The following ZBTB43 variants were observed in gnomAD, a reference collection of about 807,000 sequenced individuals.
ZBTB43 encodes the protein zinc finger and BTB domain-containing protein 43.
ZBTB43 carries 6 observed loss-of-function variants against 31.1 expected under a neutral mutation model. The ratio of observed to expected loss-of-function variants is 0.19; its 90% CI spans 0.11 to 0.38. The LOEUF (loss-of-function observed/expected upper bound fraction) is 0.38. Among genes scored for constraint, ZBTB43 ranks in the 10% least tolerant of loss-of-function variants. ZBTB43 has a pLI of 1.00. For synonymous variants in ZBTB43, 212 were observed against 221.7 expected (o/e 0.96, Z 0.39); for missense variants, 379 against 602.1 (o/e 0.63, Z 3.88).
chr9:126,823,702 T>A (rs190924893), intron 2 of ZBTB43, among the ~76,000 whole-genome samples: 3 of 152,370 alleles, frequency 2.0e-5, no homozygotes, highest in Admixed American at 6.5e-5. Context: ...TTTTATTATT[T>A]AGGGGTTTTG....
chr9:126,832,564 A>G lies in ZBTB43; in HGVS notation c.55A>G (p.Ile19Val), dbSNP rs777753960. ...RVEFPDFSST[I>V]LQKLNQQRQQ... The stretch of plus-strand genomic sequence containing the variant: ...AGAATTTCCTGATTTTTCCAGCACC[A>G]TTCTACAGAAACTGAACCAGCAGCG... The change falls in exon 3 of 3, where the codon ATT becomes GTT. Residue 19 changes from isoleucine (I) to valine (V), a missense_variant. Ile to Val is a conservative substitution (Grantham distance 29). This residue lies in a region of ZBTB43 where 79 missense variants were observed against 134.4 expected (regional missense o/e 0.59). Coordinates refer to ENST00000373464, the MANE Select transcript of ZBTB43 (RefSeq NM_014007.4). 21 of 1,613,746 alleles carry G rather than the reference A, an allele frequency of 1.3e-5. No individual in the cohort carries two copies. The highest frequency in any genetic ancestry group is 3.3e-5 in the Admixed American group (2 of 60,008).
rs572767410 is a variant in ZBTB43 at position 126,814,636 on chromosome 9, AC to A, written c.-24+5722del. Among the ~76,000 whole-genome samples the A allele has an allele frequency of 1.0e-3, 154 of 152,146 alleles. 2 individuals carry two copies. The highest frequency in any genetic ancestry group is 3.6e-3 in the African/African-American group (151 of 41,500). On this transcript the variant is annotated intron_variant, in intron 2 of 2. Coordinates refer to ENST00000373464, the MANE Select transcript of ZBTB43 (RefSeq NM_014007.4). ...GTGAAACACTGTCTCTACTAAAAAT[AC>A]AAAAAATTAGCCGGGCATGGTGGTG...
At chr9:126,831,995 T>G (rs1201428297) in intron 2 of ZBTB43, 1 of 150,092 alleles carries the variant, frequency 6.7e-6, no homozygotes, top group African/African-American at 2.5e-5. Flanking sequence ...CATGGTGGCA[T>G]GTACATACAG....
At chr9:126,810,003 T>G (rs1301936328) in intron 2 of ZBTB43, among the ~76,000 whole-genome samples, 4 of 151,656 alleles carry the variant, frequency 2.6e-5, no homozygotes, top group Admixed American at 2.6e-4. Context: ...CCCGGCTAAT[T>G]TTTTTGTATT....
At position 126,835,917 on chromosome 9, in the gene ZBTB43, G is replaced by GT. The variant is rs1421695630; in HGVS notation, c.*2008dup. ...TTTCACTCATGGTAGAGGCCAGTGGGTTTTAGGTATGATCCTAGCCATTAT... is the reference window on the plus strand; with the variant it reads ...TTTCACTCATGGTAGAGGCCAGTGGGTTTTTAGGTATGATCCTAGCCATTAT... On this transcript the variant is annotated 3_prime_UTR_variant, in exon 3 of 3. Transcript: ENST00000373464. The GT allele has an allele frequency of 6.0e-6, 1 of 166,924 alleles. No homozygotes were observed. Among genetic ancestry groups the GT allele is most frequent in the Non-Finnish European group, 1.5e-5 (1 of 68,092 alleles). 10.3% of individuals were successfully genotyped at this position (166,924 alleles called of 1,614,324 possible).
chr9:126,826,013 ATT>A (rs35825124), intron 2 of ZBTB43, among the ~76,000 whole-genome samples: 77 of 120,998 alleles, frequency 6.4e-4, no homozygotes, highest in African/African-American at 2.2e-3. Context: ...TGCCCAGCCA[ATT>A]TTTTTTTTTT....
chr9:126,822,085 G>A (rs768626673), intron 2 of ZBTB43, among the ~76,000 whole-genome samples: 2 of 151,744 alleles, frequency 1.3e-5, no homozygotes, highest in Non-Finnish European at 2.9e-5. Flanking sequence ...TCGAACTCCT[G>A]ACCTCAGGTG....
In ZBTB43 at chr9:126,835,952, G is replaced by T. The variant is rs1300209236; in HGVS notation, c.*2039G>T. 1.2e-5 allele frequency: 2 copies of T among 166,984 alleles called. No individual in the cohort carries two copies. The highest frequency in any genetic ancestry group is 4.8e-5 in the African/African-American group (2 of 41,408). 10.3% of individuals were successfully genotyped at this position (166,984 alleles called of 1,614,324 possible). A position where few individuals can be genotyped will look rare whatever the true frequency, so the allele number is the denominator to read the frequency against. On this transcript the variant is annotated 3_prime_UTR_variant, in exon 3 of 3. Transcript: ENST00000373464. ...TGATCCTAGCCATTATATTTGAGGA[G>T]AAATTGTTCTATTACTCCTACTAAT...
chr9:126,827,402 G>A (rs2032665271), intron 2 of ZBTB43, among the ~76,000 whole-genome samples: 2 of 152,184 alleles, frequency 1.3e-5, no homozygotes, highest in Admixed American at 6.5e-5. Context: ...TCTTGTATGA[G>A]CCAGCTGCTG....
At chr9:126,821,151 T>C (rs1474626022) in intron 2 of ZBTB43, among the ~76,000 whole-genome samples, 1 of 151,964 alleles carries the variant, frequency 6.6e-6, no homozygotes, top group East Asian at 1.9e-4. Context: ...GGTGAATCGC[T>C]TGAGGTCAGG....
intron 2 of ZBTB43, among the ~76,000 whole-genome samples, chr9:126,829,092 G>A (rs373419542): frequency 6.6e-6 from 1 of 152,160 alleles, no homozygotes; most frequent in African/African-American, 2.4e-5. Flanking sequence ...GTCATTGATT[G>A]TTGGTGAGGG....
rs545554732 is a variant in ZBTB43, at chr9:126,807,536, A to G, written c.-146-1257A>G. ...ATTAAAACTGCCACCTGGTGATCACATTCTGATTTCAGGAATTTTAAAATG... is the reference window on the plus strand; with the variant it reads ...ATTAAAACTGCCACCTGGTGATCACGTTCTGATTTCAGGAATTTTAAAATG... On this transcript the variant is annotated intron_variant, in intron 1 of 2. Transcript: ENST00000373464. 2.6e-5 allele frequency among the ~76,000 whole-genome samples: 4 copies of G among 152,352 alleles called. No homozygotes were observed. The East Asian group carries it at 7.7e-4, about 29-fold the overall frequency.
rs1319921209 is a variant in ZBTB43, at chr9:126,836,304, G to A, written c.*2391G>A. ...TGTGCTAGGACTTATTTAATATGTT[G>A]TGAAGAGAAGAGTGTCTTCTTGAAA... On this transcript the variant is annotated 3_prime_UTR_variant, in exon 3 of 3. Transcript: ENST00000373464. 1.2e-5 allele frequency: 2 copies of A among 167,090 alleles called. No homozygotes were observed. The highest frequency in any genetic ancestry group is 2.9e-5 in the Non-Finnish European group (2 of 68,108). 10.4% of individuals were successfully genotyped at this position (167,090 alleles called of 1,614,324 possible). A position where few individuals can be genotyped will look rare whatever the true frequency, so the allele number is the denominator to read the frequency against.
At chr9:126,809,838 G>A (rs1277811866) in intron 2 of ZBTB43, among the ~76,000 whole-genome samples, 1 of 150,716 alleles carries the variant, frequency 6.6e-6, no homozygotes, top group African/African-American at 2.5e-5. Context: ...AAAACTGCTG[G>A]TATCTTTTTT....
intron 2 of ZBTB43, among the ~76,000 whole-genome samples, chr9:126,827,151 A>T (rs1185191857): frequency 6.6e-6 from 1 of 152,054 alleles, no homozygotes; most frequent in Non-Finnish European, 1.5e-5. Flanking sequence ...TAGTTGCTTA[A>T]GTTTTTTTCT....
chr9:126,823,871 T>C (rs969182753), intron 2 of ZBTB43, among the ~76,000 whole-genome samples: 1 of 152,230 alleles, frequency 6.6e-6, no homozygotes, highest in African/African-American at 2.4e-5. Context: ...ACAGCAAAGT[T>C]ATCTCCTGTC....
intron 2 of ZBTB43, among the ~76,000 whole-genome samples, chr9:126,810,318 C>T (rs2032216522): frequency 6.6e-6 from 1 of 152,004 alleles, no homozygotes; most frequent in African/African-American, 2.4e-5. Context: ...CCTCAGCCTC[C>T]TGAGTAGCTG....
rs35094731 is a variant in ZBTB43, at chr9:126,826,454, C to CTTTTTTTTTTTTTTTTT, written c.-23-6022_-23-6006dup. Among the ~76,000 whole-genome samples, 14 of 53,598 alleles carry CTTTTTTTTTTTTTTTTT rather than the reference C, an allele frequency of 2.6e-4. 2 individuals carry two copies. In the East Asian group the frequency reaches 6.9e-3, roughly 27 times the overall value. The allele number at this position is 53,598 out of a possible 152,430, so 35.2% of individuals were successfully genotyped here. A position where few individuals can be genotyped will look rare whatever the true frequency, so the allele number is the denominator to read the frequency against. On this transcript the variant is annotated intron_variant, in intron 2 of 2. Transcript: ENST00000373464. Reference sequence around the variant, plus strand: ...GCGCCACCACTCCTGGCCCCCCCGCCTTTTTTTTTTTTTTTTTTTTTTTTT... The same window carrying CTTTTTTTTTTTTTTTTT: ...GCGCCACCACTCCTGGCCCCCCCGCCTTTTTTTTTTTTTTTTTTTTTTTTTTTTTTTTTTTTTTTTTT...
chr9:126,816,576 G>A (rs2032390857), intron 2 of ZBTB43, among the ~76,000 whole-genome samples: 1 of 152,130 alleles, frequency 6.6e-6, no homozygotes, highest in South Asian at 2.1e-4. Flanking sequence ...ATTCTTGAGA[G>A]GGAAACATTC....
Sources: allele counts gnomAD v4.1 joint callset (sites outside exome capture counted in the v4.1 genomes callset), GRCh38; gene constraint gnomAD v4.1.1; regional missense constraint gnomAD v4.1.1; transcripts MANE v1.5; gene names NCBI Gene and HGNC (gene_info 2026-07-23, HGNC 2026-07-21).